PDZD7: variants seen among roughly 807,000 people sequenced by gnomAD.
PDZD7 encodes the protein PDZ domain containing 7, also known as PDZ domain-containing protein 7.
A neutral mutation model predicts 84.7 loss-of-function variants in PDZD7; 72 were observed. The ratio of observed to expected loss-of-function variants is 0.85; its 90% CI spans 0.70 to 1.03. The LOEUF is 1.03. PDZD7 is among the 50% of genes least tolerant of loss of function. The probability of loss-of-function intolerance (pLI) is 0.00; values close to 1 mark genes in which losing one functional copy is unlikely to be tolerated. For missense variants in PDZD7, 1,490 were observed against 1,412.9 expected (o/e 1.05, Z -0.87); for synonymous variants, 594 against 580.7 (o/e 1.02, Z -0.33).
rs531733507 is a variant in PDZD7 at position 101,010,560 on chromosome 10, G to A, written c.2329C>T (p.Arg777Cys). The part of the protein sequence containing the change: ...RGRAQSRSRS[R>C]SRSRSRSSRG... The stretch of plus-strand genomic sequence containing the variant: ...CTGCTGCGGCTGCGGCTGCGGCTAC[G>A]GCTGCGGCTACGGCTCTGAGCCCGG... Residue 777 changes from arginine (R) to cysteine (C), a missense_variant, in exon 15 of 17, where the codon CGT becomes TGT. Transcript: ENST00000619208. The A allele has an allele frequency of 5.7e-5, 85 of 1,492,050 alleles. No homozygotes were observed. The East Asian group carries it at 1.6e-3, about 28-fold the overall frequency. The allele number at this position is 1,492,050 out of a possible 1,614,324, so 92.4% of individuals were successfully genotyped here.
chr10:101,028,748 G>A (rs1025735681), intron 2 of PDZD7, among the ~76,000 whole-genome samples: 3 of 152,156 alleles, frequency 2.0e-5, no homozygotes, highest in East Asian at 1.9e-4. Context: ...ACAGTTATGC[G>A]GTGCCTGCTT....
chr10:101,016,828 G>C (rs1227245697), intron 9 of PDZD7, among the ~76,000 whole-genome samples: 1 of 152,096 alleles, frequency 6.6e-6, no homozygotes, highest in African/African-American at 2.4e-5. Flanking sequence ...CAGGGACTTG[G>C]GAACTGTGGG....
Position 101,018,141 on chromosome 10 carries a change from C to T in PDZD7, c.1480G>A (p.Gly494Arg), listed in dbSNP as rs777039039. ...GRREAWTLDS[G>R]SLAKTYPRLD... is the part of the protein sequence containing the mutation. ...CGAGGGTAAGTTTTGGCCAGGCTCC[C>T]GCTGTCCAGTGTCCAGGCCTCTCTG... The change falls in exon 9 of 17, where the codon GGG becomes AGG. Residue 494 changes from glycine to arginine, a missense_variant. Transcript: ENST00000619208. The T allele has an allele frequency of 3.7e-5, 60 of 1,614,100 alleles. No individual in the cohort carries two copies. Among genetic ancestry groups the T allele is most frequent in the Non-Finnish European group, 4.4e-5 (52 of 1,180,050 alleles).
At chr10:101,019,257 T>C in intron 7 of PDZD7, 40 bp from the exon 8 acceptor site, 1 of 1,534,388 alleles carries the variant, frequency 6.5e-7, no homozygotes, top group Non-Finnish European at 8.7e-7. Flanking sequence ...CGGGCTTGCT[T>C]CAGAGCCCTG....
At chr10:101,024,149 C>T (rs1177896591) in intron 2 of PDZD7, 81 bp from the exon 3 acceptor site, 3 of 1,605,708 alleles carry the variant, frequency 1.9e-6, no homozygotes, top group Admixed American at 1.7e-5. Flanking sequence ...TTGGGGCCTG[C>T]AAAGGCTAGG....
At position 101,018,891 on chromosome 10, in the gene PDZD7, C is replaced by A. The variant is rs1253428959; in HGVS notation, c.1255G>T (p.Ala419Ser). The A allele has an allele frequency of 1.2e-6, 2 of 1,604,666 alleles. No homozygotes were observed. Among genetic ancestry groups the A allele is most frequent in the Non-Finnish European group, 1.7e-6 (2 of 1,176,162 alleles). Residue 419 changes from alanine to serine, a missense_variant, in exon 8 of 17, where the codon GCT (alanine) becomes TCT (serine). Transcript: ENST00000619208. ...GGTCGGCTGAGGGCCAGCAGCAAAG[C>A]CGTCTTGGGAGACTCAGAGAGCGCA... The part of the protein sequence containing the change: ...DSALSESPKT[A>S]LLLALSRPRP...
In PDZD7 at chr10:101,009,316, C is replaced by T. The variant is rs754174021; in HGVS notation, c.2652G>A (p.Val884=). 5.7e-5 allele frequency: 87 copies of T among 1,535,956 alleles called. No homozygotes were observed. The highest frequency in any genetic ancestry group is 7.1e-5 in the Non-Finnish European group (82 of 1,146,862). The part of the protein sequence containing the change: ...ISISGGIESK[V]QPMVKIEKIF... ...TCTTCTCTATCTTCACCATGGGCTG[C>T]ACCTTGGACTCAATGCCCCCAGAAA... Residue 884 remains valine, a synonymous_variant, in exon 16 of 17, where the codon GTG becomes GTA. Coordinates refer to ENST00000619208, the MANE Select transcript of PDZD7 (RefSeq NM_001195263.2).
chr10:101,029,315 C>G (rs989514995), intron 2 of PDZD7, among the ~76,000 whole-genome samples: 2 of 152,212 alleles, frequency 1.3e-5, no homozygotes, highest in Non-Finnish European at 2.9e-5. Flanking sequence ...CTGTAGATTC[C>G]TGGAAGGTGA....
chr10:101,022,552 A>C lies in PDZD7; in HGVS notation c.543-167T>G, dbSNP rs12265408. Among the ~76,000 whole-genome samples, 11,118 of 151,148 alleles carry C rather than the reference A, an allele frequency of 0.074. 454 individuals carry two copies. Among genetic ancestry groups the C allele is most frequent in the Middle Eastern group, 0.11 (30 of 284 alleles). On this transcript the variant is annotated intron_variant, in intron 4 of 16. Coordinates refer to ENST00000619208, the MANE Select transcript of PDZD7 (RefSeq NM_001195263.2). ...GTTCATTAGCTGGGAAACCAGCCTA[A>C]TTGCCTCTTTTTATTGAGCAGCTGC...
intron 11 of PDZD7, among the ~76,000 whole-genome samples, chr10:101,012,958 C>A (rs757302666): frequency 4.6e-5 from 7 of 152,234 alleles, no homozygotes; most frequent in Non-Finnish European, 7.3e-5. Context: ...CTCTGAAGAC[C>A]TGAACACTGG....
chr10:101,019,867 C>G (rs1234654511), intron 7 of PDZD7, among the ~76,000 whole-genome samples: 2 of 151,352 alleles, frequency 1.3e-5, no homozygotes, highest in Non-Finnish European at 2.9e-5. Flanking sequence ...CTCAGGTGAT[C>G]CACCCACCTC....
At position 101,010,882 on chromosome 10, in the gene PDZD7, G is replaced by A; in HGVS notation, c.2007C>T (p.Asp669=). 1 of 1,533,696 alleles carries A rather than the reference G, an allele frequency of 6.5e-7. No individual in the cohort carries two copies. Among genetic ancestry groups the A allele is most frequent in the Non-Finnish European group, 8.7e-7 (1 of 1,146,786 alleles). Residue 669 remains aspartate, a splice_region_variant and synonymous_variant, in exon 15 of 17, where the codon GAC becomes GAT. Transcript: ENST00000619208. ...PKRHLITPVP[D]SRGGFYLLPV... The stretch of plus-strand genomic sequence containing the variant: ...GCAGCAGGTAGAAGCCTCCGCGGCT[G>A]TCTGGGGAAGAGCGCCAAGGTCAGC...
intron 2 of PDZD7, among the ~76,000 whole-genome samples, chr10:101,025,410 A>T (rs1026458607): frequency 6.6e-6 from 1 of 150,938 alleles, no homozygotes; most frequent in East Asian, 2.0e-4. Context: ...GAGTTTCACC[A>T]TATTGGCCAG....
intron 9 of PDZD7, chr10:101,017,669 C>A: frequency 4.3e-6 from 3 of 694,986 alleles, no homozygotes; most frequent in Non-Finnish European, 7.9e-6. Flanking sequence ...ACGTGTCATG[C>A]CAGCACTTTG....
intron 13 of PDZD7, 36 bp downstream of exon 13, chr10:101,011,889 G>C (rs752562503): frequency 8.4e-6 from 13 of 1,549,394 alleles, no homozygotes; most frequent in Non-Finnish European, 1.1e-5. Context: ...CCCCAGCAGG[G>C]CTCAGGACCC....
Position 101,022,191 on chromosome 10 carries a change from TC to T in PDZD7, c.719+17del. The T allele has an allele frequency of 1.9e-6, 3 of 1,613,992 alleles. No homozygotes were observed. Among genetic ancestry groups the T allele is most frequent in the Non-Finnish European group, 2.5e-6 (3 of 1,179,892 alleles). On this transcript the variant is annotated intron_variant, in intron 5 of 16. Coordinates refer to ENST00000619208, the MANE Select transcript of PDZD7 (RefSeq NM_001195263.2). ...ATTCTCAGTTCTACCCGAAGACACT[TC>T]CTGCCTCAGCCCTCACTTGGACACA...
At chr10:101,009,219 G>A in intron 16 of PDZD7, 31 bp downstream of exon 16, 1 of 1,503,366 alleles carries the variant, frequency 6.7e-7, no homozygotes, top group Non-Finnish European at 8.9e-7. Flanking sequence ...GCTGTGCTCT[G>A]AGAGGGTGGG....
chr10:101,011,945 T>C lies in PDZD7; in HGVS notation c.1913A>G (p.Glu638Gly). Residue 638 changes from glutamate (E) to glycine (G), a missense_variant, in exon 13 of 17, where the codon GAG becomes GGG. Glu to Gly is a moderately conservative substitution (Grantham distance 98, BLOSUM62 -2). Coordinates refer to ENST00000619208, the MANE Select transcript of PDZD7 (RefSeq NM_001195263.2). ...MVMLVELEAF[E>G]ALKSRAVRPP... Reference sequence around the variant, plus strand: ...CTGACCTGCCCTGCTCTTGAGGGCCTCAAAAGCCTCCAGCTCCACAAGCAT... The same window carrying C: ...CTGACCTGCCCTGCTCTTGAGGGCCCCAAAAGCCTCCAGCTCCACAAGCAT... The C allele has an allele frequency of 6.5e-7, 1 of 1,550,242 alleles. No homozygotes were observed. The highest frequency in any genetic ancestry group is 8.7e-7 in the Non-Finnish European group (1 of 1,146,950).
At chr10:101,025,744 T>C (rs1379763588) in intron 2 of PDZD7, among the ~76,000 whole-genome samples, 2 of 151,580 alleles carry the variant, frequency 1.3e-5, no homozygotes, top group Non-Finnish European at 2.9e-5. Context: ...AGACGGGGTT[T>C]CACCGTGTTG....
Sources: allele counts gnomAD v4.1 joint callset (sites outside exome capture counted in the v4.1 genomes callset), GRCh38; gene constraint gnomAD v4.1.1; transcripts MANE v1.5; gene names NCBI Gene and HGNC (gene_info 2026-07-23, HGNC 2026-07-21).